TMX4: variants seen among roughly 807,000 people sequenced by gnomAD.
TMX4 encodes the protein thioredoxin related transmembrane protein 4.
In TMX4, 23 loss-of-function variants were observed where a neutral mutation model predicts 33.3. That is an observed-to-expected ratio of 0.69 (90% CI 0.50 to 0.98). The LOEUF is 0.98. Among genes scored for constraint, TMX4 ranks in the 50% least tolerant of loss-of-function variants. The pLI is 0.00. For missense variants in TMX4, 399 were observed against 448.9 expected, an observed-to-expected ratio of 0.89 and a Z score of 1.01; for synonymous variants, 164 against 161.5, an observed-to-expected ratio of 1.02 and a Z score of -0.12.
chr20:7,991,596 C>T (rs1247003577), intron 5 of TMX4, among the ~76,000 whole-genome samples: 1 of 152,142 alleles, frequency 6.6e-6, no homozygotes, highest in Non-Finnish European at 1.5e-5. Flanking sequence ...GGATGCTCAA[C>T]CTATATGCTG....
At chr20:7,987,019 C>CTT (rs762695134) in intron 6 of TMX4, among the ~76,000 whole-genome samples, 29 of 132,326 alleles carry the variant, frequency 2.2e-4, no homozygotes, top group African/African-American at 4.6e-4. Context: ...AGTAAGGTCT[C>CTT]TTTTTTTTTT....
chr20:8,002,033 T>C (rs2050709652), intron 2 of TMX4, among the ~76,000 whole-genome samples: 1 of 152,168 alleles, frequency 6.6e-6, no homozygotes, highest in Non-Finnish European at 1.5e-5. Context: ...AAAGAATAAG[T>C]AATATGAAAT....
At chr20:8,019,092 T>G (rs2050798023) in intron 1 of TMX4, 3 of 481,830 alleles carry the variant, frequency 6.2e-6, no homozygotes, top group Non-Finnish European at 1.2e-5. Context: ...CTCCTCCCTA[T>G]GGGAAGCTGC....
intron 1 of TMX4, among the ~76,000 whole-genome samples, chr20:8,012,327 C>T (rs987790279): frequency 6.6e-6 from 1 of 152,078 alleles, no homozygotes; most frequent in African/African-American, 2.4e-5. Context: ...GAAGCAGGCA[C>T]ATATTTATTT....
At chr20:8,001,601 G>C in intron 2 of TMX4, 60 bp from the exon 3 acceptor site, 1 of 1,468,370 alleles carries the variant, frequency 6.8e-7, no homozygotes, top group African/African-American at 1.4e-5. Flanking sequence ...AAGCATTCTT[G>C]AGCTTACTTT....
chr20:7,987,200 A>G, intron 6 of TMX4, 88 bp downstream of exon 6: 1 of 931,978 alleles, frequency 1.1e-6, no homozygotes, highest in Non-Finnish European at 1.6e-6. Context: ...ACTATTTTTT[A>G]TGTGCTTTTT....
At chr20:8,001,334 A>G (rs1001685510) in intron 3 of TMX4, among the ~76,000 whole-genome samples, 162 bp downstream of exon 3, 9 of 152,154 alleles carry the variant, frequency 5.9e-5, no homozygotes, top group Admixed American at 5.9e-4. Context: ...GCAGCACTCC[A>G]GGAAAGCTTC....
At chr20:7,986,241 C>G (rs2050630500) in intron 6 of TMX4, among the ~76,000 whole-genome samples, 1 of 152,168 alleles carries the variant, frequency 6.6e-6, no homozygotes, top group South Asian at 2.1e-4. Context: ...ATACAGATAT[C>G]TAAGTAAGTC....
chr20:8,007,747 T>C (rs1002638101), intron 2 of TMX4, among the ~76,000 whole-genome samples: 1 of 152,226 alleles, frequency 6.6e-6, no homozygotes, highest in East Asian at 1.9e-4. Context: ...ATTTACTTCC[T>C]CAATTTATCA....
chr20:8,000,435 G>C lies in TMX4; in HGVS notation c.339-575C>G, dbSNP rs561975165. The stretch of plus-strand genomic sequence containing the variant: ...CTCCCTTGAAACCACTCATACTGGG[G>C]GTCTCCAATGACCCCTAAGTGCCGT... On this transcript the variant is annotated intron_variant, in intron 3 of 7. Transcript: ENST00000246024. 2.0e-3 allele frequency among the ~76,000 whole-genome samples: 310 copies of C among 152,096 alleles called. 4 individuals are homozygous for C. Among genetic ancestry groups the C allele is most frequent in the Non-Finnish European group, 3.5e-3 (236 of 67,986 alleles).
chr20:8,017,347 C>T (rs1410757101), intron 1 of TMX4, among the ~76,000 whole-genome samples: 1 of 152,170 alleles, frequency 6.6e-6, no homozygotes, highest in Non-Finnish European at 1.5e-5. Context: ...CAGCTTACTT[C>T]CAGATTACAA....
intron 3 of TMX4, among the ~76,000 whole-genome samples, chr20:8,000,321 G>A (rs1171604497): frequency 6.6e-6 from 1 of 151,952 alleles, no homozygotes; most frequent in Non-Finnish European, 1.5e-5. Flanking sequence ...GCAGCAATCA[G>A]GGCCCCCAGG....
chr20:7,995,622 T>C (rs2050672921), intron 5 of TMX4, among the ~76,000 whole-genome samples: 1 of 152,154 alleles, frequency 6.6e-6, no homozygotes, highest in Non-Finnish European at 1.5e-5. Context: ...TAAAATTTTA[T>C]TTACAAAAAC....
Position 7,978,285 on chromosome 20 carries a change from TCAG to T in TMX4, c.*3963_*3965del, listed in dbSNP as rs2122844280. On this transcript the variant is annotated 3_prime_UTR_variant, in exon 8 of 8. Transcript: ENST00000246024. ...ATACTAAAGATTTTATGCTGAAATC[TCAG>T]GTTTGCCGTAACTTTTCCACCTTTT... 6.6e-6 allele frequency: 1 copy of T among 152,342 alleles called. No individual in the cohort carries two copies. Among genetic ancestry groups the T allele is most frequent in the African/African-American group, 2.4e-5 (1 of 41,592 alleles). 9.4% of individuals were successfully genotyped at this position (152,342 alleles called of 1,614,324 possible).
chr20:8,017,969 G>C (rs961107906), intron 1 of TMX4, among the ~76,000 whole-genome samples: 8 of 152,084 alleles, frequency 5.3e-5, no homozygotes, highest in Admixed American at 2.6e-4. Flanking sequence ...CCCCTTCTTT[G>C]TGACTAAGAG....
chr20:7,981,373 T>C lies in TMX4; in HGVS notation c.*878A>G, dbSNP rs929598461. 1 of 152,208 alleles carries C rather than the reference T, an allele frequency of 6.6e-6. No individual in the cohort carries two copies. The highest frequency in any genetic ancestry group is 1.5e-5 in the Non-Finnish European group (1 of 68,044). The allele number at this position is 152,208 out of a possible 1,614,324, so 9.4% of individuals were successfully genotyped here. ...TAGAGGACTTCTGGCTTGAAAAATATTGCTTAGAAAACTTAAAAAAAAATC... is the reference window on the plus strand; with the variant it reads ...TAGAGGACTTCTGGCTTGAAAAATACTGCTTAGAAAACTTAAAAAAAAATC... On this transcript the variant is annotated 3_prime_UTR_variant, in exon 8 of 8. Coordinates refer to ENST00000246024, the MANE Select transcript of TMX4 (RefSeq NM_021156.4).
chr20:7,986,827 T>C (rs2050632779), intron 6 of TMX4, among the ~76,000 whole-genome samples: 1 of 151,992 alleles, frequency 6.6e-6, no homozygotes. Context: ...AAAACCAGAG[T>C]GTATGCATAA....
chr20:7,993,349 T>C (rs1435283597), intron 5 of TMX4, among the ~76,000 whole-genome samples: 2 of 152,224 alleles, frequency 1.3e-5, no homozygotes, highest in Non-Finnish European at 2.9e-5. Flanking sequence ...TCATATGATC[T>C]AGACATGAGT....
rs986602993 is a variant in TMX4 at position 7,979,676 on chromosome 20, T to A, written c.*2575A>T. ...ATCCCTTGAACTAGGGAGGCGGAGG[T>A]TGTAGTAAGCCAAGATTGTGCCATT... On this transcript the variant is annotated 3_prime_UTR_variant, in exon 8 of 8. Coordinates refer to ENST00000246024, the MANE Select transcript of TMX4 (RefSeq NM_021156.4). The A allele has an allele frequency of 6.6e-6, 1 of 150,732 alleles. No homozygotes were observed. Among genetic ancestry groups the A allele is most frequent in the Admixed American group, 6.6e-5 (1 of 15,144 alleles). 9.3% of individuals were successfully genotyped at this position (150,732 alleles called of 1,614,324 possible).
Sources: allele counts gnomAD v4.1 joint callset (sites outside exome capture counted in the v4.1 genomes callset), GRCh38; gene constraint gnomAD v4.1.1; transcripts MANE v1.5; gene names NCBI Gene and HGNC (gene_info 2026-07-23, HGNC 2026-07-21).